NECTIN1: variants seen among roughly 807,000 people sequenced by gnomAD.
NECTIN1 encodes nectin-1.
A neutral mutation model predicts 48.0 loss-of-function variants in NECTIN1; 23 were observed. The observed-to-expected ratio is 0.48, with a 90% confidence interval of 0.34 to 0.68. NECTIN1 has a LOEUF of 0.68. NECTIN1 is among the 30% of genes least tolerant of loss of function. The pLI is 0.01. For synonymous variants in NECTIN1, 270 were observed against 288.9 expected, an observed-to-expected ratio of 0.93 and a Z score of 0.66; for missense variants, 591 against 709.9, an observed-to-expected ratio of 0.83 and a Z score of 1.90.
chr11:119,701,799 G>A (rs1865457538), intron 1 of NECTIN1, among the ~76,000 whole-genome samples: 1 of 152,228 alleles, frequency 6.6e-6, no homozygotes, highest in African/African-American at 2.4e-5. Context: ...GGAGGGGAAA[G>A]GTGGTGGGGG....
intron 5 of NECTIN1, among the ~76,000 whole-genome samples, chr11:119,648,846 T>A (rs1173427603): frequency 6.6e-6 from 1 of 152,096 alleles, no homozygotes; most frequent in Admixed American, 6.5e-5. Flanking sequence ...CCAGTGGGTC[T>A]AGGTGGCCCT....
chr11:119,639,722 G>T (rs1864295951), intron 6 of NECTIN1: 1 of 1,082,700 alleles, frequency 9.2e-7, no homozygotes, highest in Non-Finnish European at 1.4e-6. Context: ...CCTGCCAAAG[G>T]GTTAGTTCCT....
Position 119,684,368 on chromosome 11 carries a change from G to A in NECTIN1, c.80-5603C>T, listed in dbSNP as rs559723234. ...CCAACTTGGCCTGGAGTAAAGTGGC[G>A]GCACATTGCAGAGAGGGAGTGGGTC... On this transcript the variant is annotated intron_variant, in intron 1 of 5. Coordinates refer to ENST00000264025, the MANE Select transcript of NECTIN1 (RefSeq NM_002855.5). The surrounding 1 kb of genome is among the most constrained non-coding windows in gnomAD (Gnocchi z 5.2). 2.3e-4 allele frequency among the ~76,000 whole-genome samples: 35 copies of A among 152,380 alleles called. No individual in the cohort carries two copies. Among genetic ancestry groups the A allele is most frequent in the African/African-American group, 7.7e-4 (32 of 41,596 alleles).
intron 1 of NECTIN1, among the ~76,000 whole-genome samples, chr11:119,714,509 T>G (rs913984987): frequency 6.6e-6 from 1 of 151,954 alleles, no homozygotes; most frequent in Non-Finnish European, 1.5e-5. Context: ...TGCAGGCAGG[T>G]GGGGAGCACA....
intron 1 of NECTIN1, among the ~76,000 whole-genome samples, chr11:119,687,920 T>A (rs1002282695): frequency 6.6e-6 from 1 of 151,916 alleles, no homozygotes; most frequent in Admixed American, 6.6e-5. Context: ...TGGGGGAAGG[T>A]ATACAATGCC....
chr11:119,648,277 A>ATGG lies in NECTIN1; in HGVS notation c.1004-8268_1004-8266dup, dbSNP rs1328646018. Reference sequence around the variant, plus strand: ...AGAGGTGGTAATAGTGGTGGTGGTGATGGTGGTGGTGATGGTGGTGGTGGT... The same window carrying ATGG: ...AGAGGTGGTAATAGTGGTGGTGGTGATGGTGGTGGTGGTGATGGTGGTGGTGGT... On this transcript the variant is annotated intron_variant, in intron 5 of 7. Transcript: ENST00000341398. Among the ~76,000 whole-genome samples the ATGG allele has an allele frequency of 4.8e-4, 12 of 25,042 alleles. 1 individual carries two copies. Among genetic ancestry groups the ATGG allele is most frequent in the Non-Finnish European group, 4.7e-4 (7 of 15,010 alleles). 16.4% of individuals were successfully genotyped at this position (25,042 alleles called of 152,430 possible). A position where few individuals can be genotyped will look rare whatever the true frequency, so the allele number is the denominator to read the frequency against.
chr11:119,646,014 C>G (rs752348460), intron 5 of NECTIN1, among the ~76,000 whole-genome samples: 17 of 152,208 alleles, frequency 1.1e-4, no homozygotes, highest in Non-Finnish European at 2.2e-4. Flanking sequence ...GTGGGCTCTG[C>G]GCTGGAGCTG....
At position 119,674,625 on chromosome 11, in the gene NECTIN1, C is replaced by T. The variant is rs58471168; in HGVS notation, c.1003+534G>A. ...TCCTAGCTCTTGTCCTCCCTTTGCC[C>T]GGATAGATAAGTTGACAGAAAGCTG... On this transcript the variant is annotated intron_variant, in intron 5 of 5. Transcript: ENST00000264025. 3.5e-4 allele frequency: 563 copies of T among 1,614,156 alleles called. 2 individuals carry two copies. In the African/African-American group the frequency reaches 6.4e-3, roughly 18 times the overall value.
rs75467939 is a variant in NECTIN1 at position 119,661,734 on chromosome 11, C to T, written c.*3013G>A. On this transcript the variant is annotated 3_prime_UTR_variant, in exon 6 of 6. Coordinates refer to ENST00000264025, the MANE Select transcript of NECTIN1 (RefSeq NM_002855.5). ...GCCCCTATAAGGCTCTCTTGCAGCC[C>T]GGGCACTGGGAAATTCGTTTCTCCT... is the stretch of plus-strand genomic sequence containing the variant. The T allele has an allele frequency of 6.2e-3, 6,122 of 985,730 alleles. 270 individuals carry two copies. In the African/African-American group the frequency reaches 0.097, roughly 16 times the overall value. 61.1% of individuals were successfully genotyped at this position (985,730 alleles called of 1,614,324 possible).
At position 119,717,690 on chromosome 11, in the gene NECTIN1, C is replaced by T. The variant is rs76254439; in HGVS notation, c.79+10785G>A. ...GAAAGCCTCTGCCACTGATTCAAAA[C>T]CCTCAAAGGGGCCCGGTCCCAGAGG... On this transcript the variant is annotated intron_variant, in intron 1 of 5. Coordinates refer to ENST00000264025, the MANE Select transcript of NECTIN1 (RefSeq NM_002855.5). 5.1e-3 allele frequency among the ~76,000 whole-genome samples: 781 copies of T among 152,336 alleles called. 4 individuals carry two copies. Among genetic ancestry groups the T allele is most frequent in the African/African-American group, 0.018 (756 of 41,576 alleles).
At chr11:119,638,910 A>G in intron 6 of NECTIN1, 1 of 1,070,436 alleles carries the variant, frequency 9.3e-7, no homozygotes, top group South Asian at 1.3e-5. Flanking sequence ...TCACAAGAGC[A>G]GGCCCGGGAG....
rs988734549 is a variant in NECTIN1 at position 119,662,503 on chromosome 11, T to C, written c.*2244A>G. 1 of 985,564 alleles carries C rather than the reference T, an allele frequency of 1.0e-6. No homozygotes were observed. The highest frequency in any genetic ancestry group is 6.2e-5 in the Admixed American group (1 of 16,236). 61.1% of individuals were successfully genotyped at this position (985,564 alleles called of 1,614,324 possible). On this transcript the variant is annotated 3_prime_UTR_variant, in exon 6 of 6. Transcript: ENST00000264025. The surrounding 1 kb of genome is among the most constrained non-coding windows in gnomAD (Gnocchi z 5.3). ...GTGTCTTAAGGGGGAACTCAGTGCT[T>C]TGGCTGGGCTTGGGGCCTTCAAAGT...
chr11:119,665,404 C>T lies in NECTIN1; in HGVS notation c.1004-107G>A. On this transcript the variant is annotated intron_variant, in intron 5 of 5. Transcript: ENST00000264025. This position sits in a 1 kb window ranked among gnomAD's most constrained non-coding sequence, Gnocchi z 5.1. ...GGAGAGGCCAGGAAGGACAGGCTGT[C>T]TGCACCCCAGGTTTGAGCAGCTCCA... 2.7e-6 allele frequency: 4 copies of T among 1,460,760 alleles called. No homozygotes were observed. The highest frequency in any genetic ancestry group is 3.6e-6 in the Non-Finnish European group (4 of 1,110,172). The allele number at this position is 1,460,760 out of a possible 1,614,324, so 90.5% of individuals were successfully genotyped here. A position where few individuals can be genotyped will look rare whatever the true frequency, so the allele number is the denominator to read the frequency against.
chr11:119,675,474 G>C (rs1191047778), intron 4 of NECTIN1, 164 bp from the exon 5 acceptor site: 7 of 678,516 alleles, frequency 1.0e-5, no homozygotes, highest in African/African-American at 3.6e-5. Flanking sequence ...TCTTTCACTT[G>C]GTAGTTTTAT....
chr11:119,703,069 G>A (rs1296596529), intron 1 of NECTIN1, among the ~76,000 whole-genome samples: 2 of 152,226 alleles, frequency 1.3e-5, no homozygotes, highest in African/African-American at 4.8e-5. Flanking sequence ...AACATGCATG[G>A]CACCTGTTTT....
chr11:119,658,397 G>A (rs1460050855), downstream of NECTIN1, among the ~76,000 whole-genome samples: 1 of 152,144 alleles, frequency 6.6e-6, no homozygotes, highest in East Asian at 1.9e-4. Context: ...AGAGAATAGA[G>A]TCTGGGGTCC....
intron 1 of NECTIN1, among the ~76,000 whole-genome samples, chr11:119,714,660 CTCCCCATCGCCAACTT>C (rs1865717307): frequency 6.6e-6 from 1 of 152,190 alleles, no homozygotes; most frequent in Non-Finnish European, 1.5e-5. Context: ...TGTCCCCTCT[CTCCCCATCGCCAACTT>C]AATTCCTTAA....
intron 1 of NECTIN1, among the ~76,000 whole-genome samples, chr11:119,708,377 G>A (rs982963473): frequency 2.0e-5 from 3 of 152,174 alleles, no homozygotes; most frequent in African/African-American, 7.2e-5. Flanking sequence ...GTTGTAAAAG[G>A]GCTTTGTATT....
intron 1 of NECTIN1, chr11:119,713,760 C>T: frequency 4.5e-6 from 2 of 443,850 alleles, no homozygotes; most frequent in Non-Finnish European, 9.0e-6. Flanking sequence ...CTTCACTTCT[C>T]ACCTCCTCAC....
Sources: allele counts gnomAD v4.1 joint callset (sites outside exome capture counted in the v4.1 genomes callset), GRCh38; gene constraint gnomAD v4.1.1; non-coding constraint Gnocchi (gnomAD v3.1); transcripts MANE v1.5; gene names NCBI Gene and HGNC (gene_info 2026-07-23, HGNC 2026-07-21).